CLTB: variants seen among roughly 807,000 people sequenced by gnomAD.
CLTB encodes the protein clathrin light chain B, also known as clathrin, light chain (Lcb).
A neutral mutation model predicts 30.5 loss-of-function variants in CLTB; 10 were observed. The ratio of observed to expected loss-of-function variants is 0.33; its 90% confidence interval spans 0.20 to 0.56. The LOEUF is 0.56. Ranked by LOEUF, CLTB falls within the 20% of genes least tolerant of loss-of-function variation. The pLI is 0.91. For missense variants in CLTB, 261 were observed against 308.3 expected (o/e 0.85, Z 1.15); for synonymous variants, 102 against 120.3 (o/e 0.85, Z 1.00).
Position 176,392,630 on chromosome 5 carries a change from G to T in CLTB, c.*144C>A. On this transcript the variant is annotated 3_prime_UTR_variant, in exon 6 of 6. Transcript: ENST00000310418. This position sits in a 1 kb window ranked among gnomAD's most constrained non-coding sequence, Gnocchi z 5.2. Reference sequence around the variant, plus strand: ...GGGAGCGAGGCGTGATGGGGTGAGGGCCCCCCTCCCAGCGCCTGGAGATGG... The same window carrying T: ...GGGAGCGAGGCGTGATGGGGTGAGGTCCCCCCTCCCAGCGCCTGGAGATGG... The T allele has an allele frequency of 1.1e-6, 1 of 919,944 alleles. No homozygotes were observed. Among genetic ancestry groups the T allele is most frequent in the Non-Finnish European group, 1.6e-6 (1 of 609,790 alleles). 57.0% of individuals were successfully genotyped at this position (919,944 alleles called of 1,614,324 possible). A position where few individuals can be genotyped will look rare whatever the true frequency, so the allele number is the denominator to read the frequency against.
chr5:176,408,153 T>C (rs1460125387), intron 2 of CLTB, among the ~76,000 whole-genome samples: 2 of 151,844 alleles, frequency 1.3e-5, no homozygotes, highest in East Asian at 1.9e-4. Context: ...TTTGTGTGTA[T>C]GCAAGGGGAA....
At chr5:176,399,118 A>AC (rs1351280624) in intron 2 of CLTB, among the ~76,000 whole-genome samples, 2 of 152,040 alleles carry the variant, frequency 1.3e-5, no homozygotes, top group Non-Finnish European at 2.9e-5. Context: ...TGCTGGGATT[A>AC]CAGGCTTGAG....
chr5:176,402,580 C>G (rs928147904), intron 2 of CLTB, among the ~76,000 whole-genome samples: 2 of 152,346 alleles, frequency 1.3e-5, no homozygotes, highest in East Asian at 1.9e-4. Flanking sequence ...TGTCCTCCCC[C>G]TTCCCTCCCT....
intron 1 of CLTB, among the ~76,000 whole-genome samples, chr5:176,410,902 C>T (rs774684436): frequency 1.3e-5 from 2 of 152,222 alleles, no homozygotes; most frequent in African/African-American, 2.4e-5. Flanking sequence ...GCAGTGACTC[C>T]TCCCTGTCCC....
intron 2 of CLTB, among the ~76,000 whole-genome samples, chr5:176,400,669 G>A (rs1383115722): frequency 1.3e-5 from 2 of 152,154 alleles, no homozygotes; most frequent in African/African-American, 2.4e-5. Context: ...GTCTCCTGGC[G>A]CTTCTGTCTC....
chr5:176,407,816 G>A (rs1757210233), intron 2 of CLTB, among the ~76,000 whole-genome samples: 2 of 152,178 alleles, frequency 1.3e-5, no homozygotes, highest in South Asian at 4.1e-4. Context: ...TCCTAGAGAT[G>A]GACTTTTCCA....
chr5:176,401,710 C>T (rs1295260665), intron 2 of CLTB: 1 of 456,176 alleles, frequency 2.2e-6, no homozygotes, highest in Non-Finnish European at 4.4e-6. Context: ...TTTCACAAAA[C>T]CTCCTTTGCT....
chr5:176,410,400 A>G, intron 1 of CLTB, 97 bp from the exon 2 acceptor site: 1 of 918,348 alleles, frequency 1.1e-6, no homozygotes, highest in Non-Finnish European at 1.7e-6. Flanking sequence ...CTCTGTGTAT[A>G]CCCATGTATA....
rs1375949245 is a variant in CLTB at position 176,392,556 on chromosome 5, A to G, written c.*218T>C. On this transcript the variant is annotated 3_prime_UTR_variant, in exon 6 of 6. Coordinates refer to ENST00000310418, the MANE Select transcript of CLTB (RefSeq NM_007097.5). This position sits in a 1 kb window ranked among gnomAD's most constrained non-coding sequence, Gnocchi z 5.2. ...AAATACATCAGGAGGGACAGTCACAATTGAGTAGACTGAGAGGAGGCGTGA... is the reference window on the plus strand; with the variant it reads ...AAATACATCAGGAGGGACAGTCACAGTTGAGTAGACTGAGAGGAGGCGTGA... The G allele has an allele frequency of 1.1e-5, 6 of 567,026 alleles. No homozygotes were observed. Among genetic ancestry groups the G allele is most frequent in the Non-Finnish European group, 1.9e-5 (6 of 317,710 alleles). The allele number at this position is 567,026 out of a possible 1,614,324, so 35.1% of individuals were successfully genotyped here. A position where few individuals can be genotyped will look rare whatever the true frequency, so the allele number is the denominator to read the frequency against.
intron 5 of CLTB, among the ~76,000 whole-genome samples, chr5:176,395,648 G>A (rs140883498): frequency 6.6e-6 from 1 of 152,208 alleles, no homozygotes; most frequent in Non-Finnish European, 1.5e-5. Flanking sequence ...TGCCAACCCT[G>A]GTCTTGATTA....
chr5:176,394,453 CTT>C (rs1212380438), intron 5 of CLTB, among the ~76,000 whole-genome samples: 2 of 152,160 alleles, frequency 1.3e-5, no homozygotes, highest in African/African-American at 4.8e-5. Flanking sequence ...GGGTGGATCA[CTT>C]GAGGTCAGGA....
At chr5:176,412,174 C>CAA (rs546824950) in intron 1 of CLTB, among the ~76,000 whole-genome samples, 322 of 82,356 alleles carry the variant, frequency 3.9e-3, no homozygotes, top group South Asian at 9.3e-3. Context: ...AGACTCATCT[C>CAA]AAAAAAAAAA....
At chr5:176,399,991 A>C (rs904376972) in intron 2 of CLTB, among the ~76,000 whole-genome samples, 1 of 152,252 alleles carries the variant, frequency 6.6e-6, no homozygotes, top group East Asian at 1.9e-4. Context: ...CAGGAGTTCG[A>C]GACCAGCCTG....
At chr5:176,397,818 A>G in intron 3 of CLTB, 100 bp from the exon 4 acceptor site, 1 of 1,461,430 alleles carries the variant, frequency 6.8e-7, no homozygotes, top group Non-Finnish European at 9.6e-7. Flanking sequence ...ACAGGGCCGC[A>G]CCGGCCCAGT....
chr5:176,416,100 C>G, intron 1 of CLTB, 77 bp downstream of exon 1: 1 of 1,352,172 alleles, frequency 7.4e-7, no homozygotes, highest in South Asian at 1.6e-5. Context: ...AGGCTCTCTT[C>G]CCTGTGCCCC....
chr5:176,395,724 G>A (rs1343716676), intron 5 of CLTB, among the ~76,000 whole-genome samples: 1 of 152,224 alleles, frequency 6.6e-6, no homozygotes, highest in Admixed American at 6.5e-5. Flanking sequence ...CTGGGCAGGG[G>A]CTGATGGCCA....
Position 176,416,260 on chromosome 5 carries a change from A to C in CLTB, c.104T>G (p.Ile35Ser). 6.2e-7 allele frequency: 1 copy of C among 1,604,498 alleles called. No homozygotes were observed. The highest frequency in any genetic ancestry group is 2.3e-5 in the East Asian group (1 of 43,552). ...GCCCTCGTCGTTCTCTATGCCTGCA[A>C]TCTCGCTCTCCTGCTGGGCCAGGAA... Reference protein sequence around the residue: ...AAFLAQQESEIAGIENDEGFG... With the variant: ...AAFLAQQESESAGIENDEGFG... The change falls in exon 1 of 6, where the codon ATT becomes AGT. Residue 35 changes from isoleucine to serine, a missense_variant. Transcript: ENST00000310418.
At chr5:176,396,632 G>T in intron 4 of CLTB, 100 bp from the exon 5 acceptor site, 1 of 820,444 alleles carries the variant, frequency 1.2e-6, no homozygotes, top group Non-Finnish European at 2.1e-6. Flanking sequence ...GACAGCATTA[G>T]TACCTCCAGT....
Position 176,410,285 on chromosome 5 carries a change from C to A in CLTB, c.206G>T (p.Gly69Val). The A allele has an allele frequency of 6.2e-7, 1 of 1,613,964 alleles. No homozygotes were observed. The highest frequency in any genetic ancestry group is 8.5e-7 in the Non-Finnish European group (1 of 1,179,916). The change falls in exon 2 of 6, where the codon GGG becomes GTG. Residue 69 changes from glycine (G) to valine (V), a missense_variant. Gly to Val is a moderately radical substitution (Grantham distance 109). This residue lies in a region of CLTB where 113 missense variants were observed against 102.5 expected (regional missense o/e 1.10). Coordinates refer to ENST00000310418, the MANE Select transcript of CLTB (RefSeq NM_007097.5). ...PTSGAGSEDMGTTVNGDVFQE... is the reference protein window; with the variant it reads ...PTSGAGSEDMVTTVNGDVFQE... ...AAACACATCTCCATTGACTGTGGTCCCCATGTCCTCAGAACCAGCTGGAAA... is the reference window on the plus strand; with the variant it reads ...AAACACATCTCCATTGACTGTGGTCACCATGTCCTCAGAACCAGCTGGAAA...
Sources: allele counts gnomAD v4.1 joint callset (sites outside exome capture counted in the v4.1 genomes callset), GRCh38; gene constraint gnomAD v4.1.1; regional missense constraint gnomAD v4.1.1; non-coding constraint Gnocchi (gnomAD v3.1); transcripts MANE v1.5; gene names NCBI Gene and HGNC (gene_info 2026-07-23, HGNC 2026-07-21).